Variants in SHPRH observed in about 807,000 individuals in gnomAD.
The protein encoded by SHPRH is E3 ubiquitin-protein ligase SHPRH.
SHPRH carries 106 observed loss-of-function variants against 202.5 expected under a neutral mutation model. The ratio of observed to expected loss-of-function variants is 0.52; its 90% CI spans 0.45 to 0.62. The LOEUF (loss-of-function observed/expected upper bound fraction) is 0.62, where lower values mean the gene tolerates loss of function less well. Among genes scored for constraint, SHPRH ranks in the 20% least tolerant of loss-of-function variants. SHPRH has a pLI of 0.00. For missense variants in SHPRH, 1,710 were observed against 2,020.0 expected, an observed-to-expected ratio of 0.85 and a Z score of 2.94; for synonymous variants, 729 against 686.0, an observed-to-expected ratio of 1.06 and a Z score of -0.98.
chr6:145,926,280 T>C lies in SHPRH; in HGVS notation c.3218A>G (p.His1073Arg), dbSNP rs777777018. 2 of 1,612,784 alleles carry C rather than the reference T, an allele frequency of 1.2e-6. No individual in the cohort carries two copies. The highest frequency in any genetic ancestry group is 1.7e-6 in the Non-Finnish European group (2 of 1,179,152). Residue 1073 changes from histidine (H) to arginine (R), a missense_variant, in exon 16 of 30, where the codon CAT becomes CGT. Physicochemically the swap from His to Arg is conservative, Grantham distance 29. Around this residue, in one of 8 missense-constraint regions of SHPRH, gnomAD observed 288 missense variants for 317.8 expected, o/e 0.91. Coordinates refer to ENST00000275233, the MANE Select transcript of SHPRH (RefSeq NM_001042683.3). ...TDSLQRLHAT[H>R]NLMELLIARH... ...GGCTATCAACAATTCCATCAAGTTA[T>C]GGGTAGCATGAAGTCTCTACAAACA... is the stretch of plus-strand genomic sequence containing the variant.
intron 2 of SHPRH, among the ~76,000 whole-genome samples, chr6:145,876,219 CT>C (rs1192134392): frequency 6.6e-6 from 1 of 151,978 alleles, no homozygotes; most frequent in Non-Finnish European, 1.5e-5. Flanking sequence ...AAAGATTTGC[CT>C]GTTCTTATGA....
At chr6:145,882,206 C>A (rs183667100), downstream of SHPRH, among the ~76,000 whole-genome samples, 4 of 152,134 alleles carry the variant, frequency 2.6e-5, no homozygotes, top group Admixed American at 2.6e-4. Context: ...AATAGTAATC[C>A]CTTAAAAATA....
intron 2 of SHPRH, among the ~76,000 whole-genome samples, chr6:145,868,437 G>T (rs759542300): frequency 3.3e-5 from 5 of 152,178 alleles, no homozygotes; most frequent in South Asian, 4.1e-4. Flanking sequence ...CTGATAAGTT[G>T]TGAAGCTTGG....
At chr6:145,937,673 G>A (rs1786261940) in intron 11 of SHPRH, among the ~76,000 whole-genome samples, 1 of 152,006 alleles carries the variant, frequency 6.6e-6, no homozygotes, top group African/African-American at 2.4e-5. Context: ...ATCCTCCATG[G>A]TCCCATCTCT....
In SHPRH at chr6:145,893,305, T is replaced by C; in HGVS notation, c.4784A>G (p.Glu1595Gly). 1 of 1,606,274 alleles carries C rather than the reference T, an allele frequency of 6.2e-7. No individual in the cohort carries two copies. Among genetic ancestry groups the C allele is most frequent in the Non-Finnish European group, 8.5e-7 (1 of 1,176,584 alleles). ...HTGSNGLTII[E>G]ATHVLLVEPI... Reference sequence around the variant, plus strand: ...CTCCACCAAGAGAACATGAGTTGCTTCAATGATAGTTAATCCATTAGAACC... The same window carrying C: ...CTCCACCAAGAGAACATGAGTTGCTCCAATGATAGTTAATCCATTAGAACC... Residue 1595 changes from glutamate (E) to glycine (G), a missense_variant, in exon 28 of 30, where the codon GAA (glutamate) becomes GGA (glycine). This residue lies in a region of SHPRH where 306 missense variants were observed against 479.5 expected (regional missense o/e 0.64). Coordinates refer to ENST00000275233, the MANE Select transcript of SHPRH (RefSeq NM_001042683.3).
At chr6:145,963,427 A>T (rs1378033919) in intron 1 of SHPRH, among the ~76,000 whole-genome samples, 1 of 152,198 alleles carries the variant, frequency 6.6e-6, no homozygotes, top group African/African-American at 2.4e-5. Context: ...ATGTCAAACT[A>T]CTTGGAAAAA....
chr6:145,899,324 G>A lies in SHPRH; in HGVS notation c.4516-4347C>T, dbSNP rs140787778. Among the ~76,000 whole-genome samples the A allele has an allele frequency of 2.6e-4, 39 of 152,090 alleles. No homozygotes were observed. The East Asian group carries it at 5.8e-3, about 23-fold the overall frequency. The stretch of plus-strand genomic sequence containing the variant: ...AAAACTACAGTAATAAAAATAGTAC[G>A]CTACTGAAATAAAAACAGACATACA... On this transcript the variant is annotated intron_variant, in intron 25 of 29. Transcript: ENST00000275233.
chr6:145,888,333 T>C lies in SHPRH; in HGVS notation c.4875-233A>G, dbSNP rs373219789. Reference sequence around the variant, plus strand: ...GTAAGACGGTTTCAGGTAAATATAATGCTGGGAGAACAGGCTGACATGCAA... The same window carrying C: ...GTAAGACGGTTTCAGGTAAATATAACGCTGGGAGAACAGGCTGACATGCAA... On this transcript the variant is annotated intron_variant, in intron 28 of 29. Transcript: ENST00000275233. Among the ~76,000 whole-genome samples, 91 of 152,062 alleles carry C rather than the reference T, an allele frequency of 6.0e-4. No homozygotes were observed. The South Asian group carries it at 0.014, about 23-fold the overall frequency.
chr6:145,888,643 G>A (rs1438172602), intron 28 of SHPRH, among the ~76,000 whole-genome samples: 2 of 152,144 alleles, frequency 1.3e-5, no homozygotes, highest in Non-Finnish European at 2.9e-5. Context: ...ATAATGGGAA[G>A]CCCTTGGTGG....
chr6:145,884,504 A>G (rs1372519988), downstream of SHPRH: 1 of 152,192 alleles, frequency 6.6e-6, no homozygotes, highest in African/African-American at 2.4e-5. Context: ...ATTTTGTCTC[A>G]TTGGTTCATT....
intron 17 of SHPRH, among the ~76,000 whole-genome samples, chr6:145,924,392 G>C (rs1390759478): frequency 6.6e-6 from 1 of 151,850 alleles, no homozygotes; most frequent in Non-Finnish European, 1.5e-5. Flanking sequence ...AATACCTGTG[G>C]TTCTAATGTA....
At chr6:145,958,952 C>A (rs1362358866) in intron 1 of SHPRH, among the ~76,000 whole-genome samples, 2 of 152,124 alleles carry the variant, frequency 1.3e-5, no homozygotes, top group African/African-American at 4.8e-5. Flanking sequence ...CCTGCCTCAG[C>A]CTCCTGAGTA....
chr6:145,932,972 C>CT lies in SHPRH; in HGVS notation c.3112+84_3112+85insA. 5 of 1,468,124 alleles carry CT rather than the reference C, an allele frequency of 3.4e-6. No homozygotes were observed. The South Asian group carries it at 4.0e-5, about 12-fold the overall frequency. The allele number at this position is 1,468,124 out of a possible 1,614,324, so 90.9% of individuals were successfully genotyped here. On this transcript the variant is annotated intron_variant, in intron 14 of 29. Coordinates refer to ENST00000275233, the MANE Select transcript of SHPRH (RefSeq NM_001042683.3). ...TCTTTTTGGGGGAAAAATCCCCCCCCCAAAAATCAAAATCTATTTTTTCTA... is the reference window on the plus strand; with the variant it reads ...TCTTTTTGGGGGAAAAATCCCCCCCCTCAAAAATCAAAATCTATTTTTTCTA...
chr6:145,896,146 A>AT (rs1282088454), intron 25 of SHPRH, among the ~76,000 whole-genome samples: 8 of 152,096 alleles, frequency 5.3e-5, no homozygotes, highest in Admixed American at 4.6e-4. Flanking sequence ...GCAAGATAGA[A>AT]TAATGGAAAA....
At chr6:145,901,654 T>C (rs1390320993) in intron 25 of SHPRH, among the ~76,000 whole-genome samples, 1 of 152,116 alleles carries the variant, frequency 6.6e-6, no homozygotes, top group East Asian at 1.9e-4. Context: ...ATGTTATGCA[T>C]TAGGGAAGAC....
chr6:145,904,642 G>GA (rs1279478679), intron 25 of SHPRH: 1 of 152,204 alleles, frequency 6.6e-6, no homozygotes, highest in Non-Finnish European at 1.5e-5. Context: ...AATGGTAACA[G>GA]AAAAAGCAGT....
At chr6:145,955,868 G>A (rs1453513604) in intron 1 of SHPRH, among the ~76,000 whole-genome samples, 2 of 151,922 alleles carry the variant, frequency 1.3e-5, no homozygotes, top group Admixed American at 6.6e-5. Flanking sequence ...ATAATTAGCA[G>A]AAACAAACAT....
intron 23 of SHPRH, among the ~76,000 whole-genome samples, chr6:145,914,396 T>C (rs1046844056): frequency 2.0e-5 from 3 of 152,170 alleles, no homozygotes; most frequent in Non-Finnish European, 2.9e-5. Flanking sequence ...TTTTCCAATA[T>C]GTCAATAAAG....
At chr6:145,857,982 T>C in the SHPRH span, among the ~76,000 whole-genome samples, 1 of 152,108 alleles carries the variant, frequency 6.6e-6, no homozygotes, top group Non-Finnish European at 1.5e-5. Flanking sequence ...ATATCATTAG[T>C]TATAGGGAAA....
Sources: gnomAD v4.1 joint callset for allele counts (sites outside exome capture counted in the v4.1 genomes callset) on GRCh38, gnomAD v4.1.1 for gene constraint, gnomAD v4.1.1 regional missense constraint, MANE v1.5 for transcripts, NCBI Gene and HGNC (gene_info 2026-07-23, HGNC 2026-07-21) for gene names.